Variants in DHX9 observed in about 807,000 individuals in gnomAD.
The protein encoded by DHX9 is ATP-dependent RNA helicase A.
A neutral mutation model predicts 148.7 loss-of-function variants in DHX9; 27 were observed. The ratio of observed to expected loss-of-function variants is 0.18; its 90% CI spans 0.13 to 0.25. The LOEUF (loss-of-function observed/expected upper bound fraction) is 0.25, where lower values mean the gene tolerates loss of function less well. Ranked by LOEUF, DHX9 falls within the 10% of genes least tolerant of loss-of-function variation. The pLI, the probability that DHX9 is intolerant of heterozygous loss-of-function variation, is 1.00. For synonymous variants in DHX9, 529 were observed against 516.6 expected, an observed-to-expected ratio of 1.02 and a Z score of -0.33; for missense variants, 796 against 1,559.6, an observed-to-expected ratio of 0.51 and a Z score of 8.25.
At chr1:182,862,862 A>G (rs777301320) in intron 12 of DHX9, among the ~76,000 whole-genome samples, 21 of 152,194 alleles carry the variant, frequency 1.4e-4, no homozygotes, top group Non-Finnish European at 2.9e-4. Context: ...AGTGTTAGTT[A>G]CCCAGTACCT....
At chr1:182,842,014 A>T (rs1417431040) in intron 1 of DHX9, among the ~76,000 whole-genome samples, 2 of 152,234 alleles carry the variant, frequency 1.3e-5, no homozygotes, top group Non-Finnish European at 2.9e-5. Context: ...TCAGAATGAG[A>T]ATAAAACATT....
At chr1:182,874,724 T>C in intron 15 of DHX9, 130 bp from the exon 16 acceptor site, 2 of 704,850 alleles carry the variant, frequency 2.8e-6, no homozygotes, top group East Asian at 2.6e-5. Context: ...ACTGGAACTT[T>C]TTGGCATTTG....
At chr1:182,853,137 G>T (rs910970687) in intron 4 of DHX9, among the ~76,000 whole-genome samples, 169 bp from the exon 5 acceptor site, 1 of 151,942 alleles carries the variant, frequency 6.6e-6, no homozygotes, top group Non-Finnish European at 1.5e-5. Context: ...ATGTTGACCA[G>T]GCTGGTCTCA....
intron 16 of DHX9, 52 bp downstream of exon 16, chr1:182,875,006 GA>G: frequency 2.1e-6 from 3 of 1,409,214 alleles, no homozygotes; most frequent in Non-Finnish European, 3.0e-6. Context: ...TCAATGCAGA[GA>G]AAAAAATGAG....
At chr1:182,856,797 C>T (rs545728594) in intron 7 of DHX9, among the ~76,000 whole-genome samples, 2 of 152,314 alleles carry the variant, frequency 1.3e-5, no homozygotes, top group South Asian at 4.1e-4. Context: ...TGTAATCTTT[C>T]AAAGGTAAGA....
intron 14 of DHX9, among the ~76,000 whole-genome samples, chr1:182,871,569 T>G (rs759503103): frequency 2.6e-5 from 4 of 152,216 alleles, no homozygotes; most frequent in Admixed American, 6.5e-5. Flanking sequence ...CTGTTTAGAC[T>G]TGAACAAGAA....
chr1:182,857,979 A>G (rs1668286529), intron 7 of DHX9, 125 bp from the exon 8 acceptor site: 1 of 925,196 alleles, frequency 1.1e-6, no homozygotes, highest in East Asian at 2.6e-5. Context: ...AAAAGGAACT[A>G]GAAGCCATGG....
intron 5 of DHX9, 99 bp from the exon 6 acceptor site, chr1:182,853,931 A>G (rs1668208101): frequency 9.2e-6 from 10 of 1,081,142 alleles, no homozygotes; most frequent in Non-Finnish European, 1.3e-5. Context: ...CAGCTTTTGC[A>G]TTATAAAGGA....
Position 182,866,477 on chromosome 1 carries a change from C to T in DHX9, c.1366C>T (p.Arg456Ter), listed in dbSNP as rs1429406589. The stretch of plus-strand genomic sequence containing the variant: ...AATCAGTGCGGTTTCTGTGGCAGAG[C>T]GAGTTGCATTTGAAAGAGGAGAAGA... ...RRISAVSVAE[R>*]VAFERGEEPG... The change falls in exon 13 of 28, where the codon CGA becomes TGA. Residue 456 changes from arginine to a stop codon, truncating the protein, a stop_gained. Coordinates refer to ENST00000367549, the MANE Select transcript of DHX9 (RefSeq NM_001357.5). LOFTEE classifies it high-confidence loss of function. 1.2e-6 allele frequency: 2 copies of T among 1,614,072 alleles called. No individual in the cohort carries two copies. The highest frequency in any genetic ancestry group is 1.7e-5 in the Admixed American group (1 of 60,006).
rs766833762 is a variant in DHX9 at position 182,852,269 on chromosome 1, A to C, written c.289A>C (p.Thr97Pro). The change falls in exon 4 of 28, where the codon ACT becomes CCT. Residue 97 changes from threonine to proline, a missense_variant. Around this residue, in one of 14 missense-constraint regions of DHX9, gnomAD observed 89 missense variants for 77.5 expected, o/e 1.15. Transcript: ENST00000367549. ...SPPPLTDTPD[T>P]TANAEGDLPT... is the part of the protein sequence containing the mutation. Reference sequence around the variant, plus strand: ...GCCCCCACTTACTGATACTCCTGACACTACAGCAAATGCTGAAGGAGATTT... The same window carrying C: ...GCCCCCACTTACTGATACTCCTGACCCTACAGCAAATGCTGAAGGAGATTT... 1.2e-5 allele frequency: 19 copies of C among 1,613,024 alleles called. No homozygotes were observed. The highest frequency in any genetic ancestry group is 3.3e-5 in the Admixed American group (2 of 59,738).
At chr1:182,884,846 T>C (rs766034563) in intron 27 of DHX9, 33 bp downstream of exon 27, 2 of 1,602,604 alleles carry the variant, frequency 1.2e-6, no homozygotes, top group Admixed American at 3.3e-5. Context: ...CTGAACCAAG[T>C]AGAGGGGAGA....
intron 12 of DHX9, 141 bp from the exon 13 acceptor site, chr1:182,866,303 A>G (rs1359883666): frequency 3.5e-6 from 3 of 852,454 alleles, no homozygotes; most frequent in East Asian, 5.4e-5. Context: ...AGAACCAAAT[A>G]GTATTTTTTG....
chr1:182,877,979 A>C, intron 19 of DHX9, 42 bp from the exon 20 acceptor site: 1 of 1,608,650 alleles, frequency 6.2e-7, no homozygotes, highest in Non-Finnish European at 8.5e-7. Flanking sequence ...AGTTATTGAT[A>C]ATACACATGA....
chr1:182,849,020 A>C (rs947873240), intron 3 of DHX9, among the ~76,000 whole-genome samples: 1 of 152,216 alleles, frequency 6.6e-6, no homozygotes, highest in African/African-American at 2.4e-5. Context: ...CCTACCTCCA[A>C]CATTGAGGAT....
chr1:182,851,496 A>C (rs1243327311), intron 3 of DHX9, among the ~76,000 whole-genome samples: 2 of 152,214 alleles, frequency 1.3e-5, no homozygotes, highest in Non-Finnish European at 2.9e-5. Flanking sequence ...GAAACAGGAG[A>C]AATTAATAGC....
intron 19 of DHX9, chr1:182,877,130 A>G (rs1474536026): frequency 1.3e-5 from 6 of 449,220 alleles, no homozygotes; most frequent in East Asian, 7.8e-5. Context: ...ACTGTAACTG[A>G]TGATTACTTC....
chr1:182,883,448 A>G lies in DHX9; in HGVS notation c.3145-72A>G, dbSNP rs565740209. Reference sequence around the variant, plus strand: ...TTAGGAACATGAATTTTGATTTTCAAAGCACAGTATATAGCGGTATTTGGA... The same window carrying G: ...TTAGGAACATGAATTTTGATTTTCAGAGCACAGTATATAGCGGTATTTGGA... On this transcript the variant is annotated intron_variant, in intron 25 of 27. Coordinates refer to ENST00000367549, the MANE Select transcript of DHX9 (RefSeq NM_001357.5). The G allele has an allele frequency of 3.1e-5, 49 of 1,578,822 alleles. 1 individual carries two copies. The South Asian group carries it at 5.0e-4, about 16-fold the overall frequency.
chr1:182,874,376 A>T (rs2102614537), intron 15 of DHX9, among the ~76,000 whole-genome samples: 1 of 152,304 alleles, frequency 6.6e-6, no homozygotes, highest in South Asian at 2.1e-4. Flanking sequence ...GGGTGTTTTG[A>T]TTATAAAGAC....
intron 3 of DHX9, among the ~76,000 whole-genome samples, chr1:182,847,865 GTGTT>G (rs1668060237): frequency 6.6e-6 from 1 of 152,118 alleles, no homozygotes; most frequent in Non-Finnish European, 1.5e-5. Context: ...TGTTGTGTGT[GTGTT>G]TGTATTTTTT....
Sources: gnomAD v4.1 joint callset for allele counts (sites outside exome capture counted in the v4.1 genomes callset) on GRCh38, gnomAD v4.1.1 for gene constraint, gnomAD v4.1.1 regional missense constraint, MANE v1.5 for transcripts, NCBI Gene and HGNC (gene_info 2026-07-23, HGNC 2026-07-21) for gene names.